Variants in ZNF148 observed in about 807,000 individuals in gnomAD.
ZNF148 encodes zinc finger protein 148.
A neutral mutation model predicts 67.7 loss-of-function variants in ZNF148; 7 were observed. The ratio of observed to expected loss-of-function variants is 0.10; its 90% CI spans 0.06 to 0.19. The LOEUF is 0.19. Ranked by LOEUF, ZNF148 falls within the 10% of genes least tolerant of loss-of-function variation. The probability of loss-of-function intolerance (pLI) is 1.00; values close to 1 mark genes in which losing one functional copy is unlikely to be tolerated. For missense variants in ZNF148, 583 were observed against 947.1 expected, an observed-to-expected ratio of 0.62 and a Z score of 5.05; for synonymous variants, 333 against 330.7, an observed-to-expected ratio of 1.01 and a Z score of -0.08.
At chr3:125,275,591 C>T (rs1938011977) in intron 7 of ZNF148, among the ~76,000 whole-genome samples, 1 of 152,106 alleles carries the variant, frequency 6.6e-6, no homozygotes, top group Non-Finnish European at 1.5e-5. Context: ...AAAATGGGGA[C>T]AGTAATAACT....
chr3:125,259,616 G>T (rs1389159172), intron 7 of ZNF148, among the ~76,000 whole-genome samples: 2 of 152,112 alleles, frequency 1.3e-5, no homozygotes, highest in African/African-American at 4.8e-5. Context: ...CCTATTAAGT[G>T]TAAAATAGCA....
At chr3:125,345,615 G>A (rs1052309962) in intron 1 of ZNF148, among the ~76,000 whole-genome samples, 2 of 151,686 alleles carry the variant, frequency 1.3e-5, no homozygotes, top group Admixed American at 6.6e-5. Flanking sequence ...AAGACAAACA[G>A]AAGACACAAA....
At chr3:125,314,049 A>G (rs1425342389) in intron 3 of ZNF148, among the ~76,000 whole-genome samples, 1 of 152,102 alleles carries the variant, frequency 6.6e-6, no homozygotes, top group African/African-American at 2.4e-5. Context: ...CAAGCAAATC[A>G]TTTTTAAAAA....
chr3:125,322,294 G>A (rs1658841758), intron 3 of ZNF148, among the ~76,000 whole-genome samples: 1 of 151,802 alleles, frequency 6.6e-6, no homozygotes, highest in Non-Finnish European at 1.5e-5. Context: ...CCAGCCTGCT[G>A]GGATTACAGG....
intron 1 of ZNF148, among the ~76,000 whole-genome samples, chr3:125,358,318 A>C (rs1173336506): frequency 6.6e-6 from 1 of 152,178 alleles, no homozygotes; most frequent in Non-Finnish European, 1.5e-5. Flanking sequence ...ATCTCAAAAA[A>C]GAAAAAGAAA....
chr3:125,333,096 C>T (rs1579828842), intron 1 of ZNF148, among the ~76,000 whole-genome samples: 1 of 152,130 alleles, frequency 6.6e-6, no homozygotes, highest in South Asian at 2.1e-4. Flanking sequence ...TATTACACAT[C>T]TCATCATGAG....
chr3:125,269,577 T>C (rs190728257), intron 7 of ZNF148, among the ~76,000 whole-genome samples: 72 of 151,908 alleles, frequency 4.7e-4, no homozygotes, highest in African/African-American at 1.6e-3. Context: ...AAAACAAAAC[T>C]ACCATTTGAC....
intron 7 of ZNF148, among the ~76,000 whole-genome samples, chr3:125,268,237 C>CAAA (rs58334196): frequency 0.061 from 8,332 of 136,490 alleles, 398 homozygotes; most frequent in Middle Eastern, 0.097. Flanking sequence ...TATATAGAAC[C>CAAA]AAAAAAAAAA....
intron 3 of ZNF148, among the ~76,000 whole-genome samples, chr3:125,319,489 G>A (rs763026219): frequency 6.6e-6 from 1 of 152,076 alleles, no homozygotes; most frequent in African/African-American, 2.4e-5. Context: ...ATGCTTGCTT[G>A]TTCTACAAGG....
chr3:125,301,981 C>A (rs1229606183), intron 4 of ZNF148, among the ~76,000 whole-genome samples: 2 of 152,052 alleles, frequency 1.3e-5, no homozygotes, highest in Non-Finnish European at 2.9e-5. Flanking sequence ...GGGAGAAATG[C>A]TTGAACCCAG....
chr3:125,302,739 TAAGTG>T (rs1309995873), intron 4 of ZNF148, among the ~76,000 whole-genome samples: 1 of 152,216 alleles, frequency 6.6e-6, no homozygotes, highest in Non-Finnish European at 1.5e-5. Flanking sequence ...AATATACTGT[TAAGTG>T]AAAAGACTAC....
At chr3:125,305,499 G>C (rs1202307323) in intron 4 of ZNF148, among the ~76,000 whole-genome samples, 1 of 152,098 alleles carries the variant, frequency 6.6e-6, no homozygotes. Flanking sequence ...AGTTCAGTGA[G>C]TACATAAAAG....
intron 7 of ZNF148, among the ~76,000 whole-genome samples, chr3:125,256,209 G>GA (rs984859175): frequency 2.0e-4 from 30 of 150,320 alleles, no homozygotes; most frequent in Admixed American, 3.3e-4. Context: ...TGAAAATACA[G>GA]AAAAAAAAAT....
intron 1 of ZNF148, chr3:125,344,606 T>C (rs956418224): frequency 1.3e-6 from 1 of 783,236 alleles, no homozygotes; most frequent in Non-Finnish European, 2.3e-6. Context: ...TTTAATCCTG[T>C]CATAGATGTA....
At chr3:125,359,947 G>A (rs1480396543) in intron 1 of ZNF148, among the ~76,000 whole-genome samples, 4 of 152,148 alleles carry the variant, frequency 2.6e-5, no homozygotes, top group South Asian at 2.1e-4. Context: ...GCACAGGCCC[G>A]CCCATGCAGC....
rs181544710 is a variant in ZNF148 at position 125,231,067 on chromosome 3, G to A, written c.*1274C>T. ...TTTTGAAATGCAACAAAAATTTTCC[G>A]ATCACTCATCTAGCTGAAAAAGAAA... On this transcript the variant is annotated 3_prime_UTR_variant, in exon 9 of 9. Transcript: ENST00000360647. 9.1e-4 allele frequency: 138 copies of A among 152,404 alleles called. 1 individual carries two copies. The highest frequency in any genetic ancestry group is 3.2e-3 in the African/African-American group (132 of 41,474). 9.4% of individuals were successfully genotyped at this position (152,404 alleles called of 1,614,324 possible).
Position 125,228,828 on chromosome 3 carries a change from A to G in ZNF148, c.*3513T>C, listed in dbSNP as rs1479195362. 6.6e-6 allele frequency: 1 copy of G among 152,582 alleles called. No homozygotes were observed. The highest frequency in any genetic ancestry group is 2.4e-5 in the African/African-American group (1 of 41,450). 9.5% of individuals were successfully genotyped at this position (152,582 alleles called of 1,614,324 possible). A position where few individuals can be genotyped will look rare whatever the true frequency, so the allele number is the denominator to read the frequency against. Reference sequence around the variant, plus strand: ...GGTACATCCTTATTTGATGAACCATATTTACAGCATGGTATTGCATAAAAA... The same window carrying G: ...GGTACATCCTTATTTGATGAACCATGTTTACAGCATGGTATTGCATAAAAA... On this transcript the variant is annotated 3_prime_UTR_variant, in exon 9 of 9. Coordinates refer to ENST00000360647, the MANE Select transcript of ZNF148 (RefSeq NM_021964.3).
intron 1 of ZNF148, among the ~76,000 whole-genome samples, chr3:125,356,587 T>C (rs1942349502): frequency 6.6e-6 from 1 of 152,244 alleles, no homozygotes; most frequent in South Asian, 2.1e-4. Context: ...GTGGTGCCTT[T>C]ACCACTGCCC....
rs114235950 is a variant in ZNF148, at chr3:125,347,751, G to A, written c.-233-16513C>T. Reference sequence around the variant, plus strand: ...TCATTATGTTGCCCAGGCTGGACTCGAACTCCTGGGCTCAAAGATCCTCCT... The same window carrying A: ...TCATTATGTTGCCCAGGCTGGACTCAAACTCCTGGGCTCAAAGATCCTCCT... On this transcript the variant is annotated intron_variant, in intron 1 of 8. Coordinates refer to ENST00000360647, the MANE Select transcript of ZNF148 (RefSeq NM_021964.3). Among the ~76,000 whole-genome samples, 1,432 of 151,742 alleles carry A rather than the reference G, an allele frequency of 9.4e-3. 15 individuals are homozygous for A. The highest frequency in any genetic ancestry group is 0.015 in the Non-Finnish European group (991 of 67,884).
Sources: gnomAD v4.1 joint callset for allele counts (sites outside exome capture counted in the v4.1 genomes callset) on GRCh38, gnomAD v4.1.1 for gene constraint, MANE v1.5 for transcripts, NCBI Gene and HGNC (gene_info 2026-07-23, HGNC 2026-07-21) for gene names.